The following MAGI2 variants were observed in gnomAD, a reference collection of about 807,000 sequenced individuals.
MAGI2 encodes the protein membrane-associated guanylate kinase, WW and PDZ domain-containing protein 2.
MAGI2 carries 35 observed loss-of-function variants against 133.3 expected under a neutral mutation model. The observed-to-expected ratio is 0.26, with a 90% CI of 0.20 to 0.35. The LOEUF (loss-of-function observed/expected upper bound fraction) is 0.35, where lower values mean the gene tolerates loss of function less well. Among genes scored for constraint, MAGI2 ranks in the 10% least tolerant of loss-of-function variants. The probability of loss-of-function intolerance (pLI) is 1.00; values close to 1 mark genes in which losing one functional copy is unlikely to be tolerated. For synonymous variants in MAGI2, 729 were observed against 710.6 expected, an observed-to-expected ratio of 1.03 and a Z score of -0.41; for missense variants, 1,636 against 1,863.4, an observed-to-expected ratio of 0.88 and a Z score of 2.25.
intron 2 of MAGI2, among the ~76,000 whole-genome samples, chr7:78,636,046 T>G (rs1287381710): frequency 6.6e-6 from 1 of 152,190 alleles, no homozygotes; most frequent in Non-Finnish European, 1.5e-5. Flanking sequence ...TGTTAACTGA[T>G]GGGGTGGATT....
intron 1 of MAGI2, among the ~76,000 whole-genome samples, chr7:79,286,330 C>A (rs983990213): frequency 2.0e-5 from 3 of 151,906 alleles, no homozygotes; most frequent in African/African-American, 7.3e-5. Flanking sequence ...GGATAGTATC[C>A]CCATTTAACA....
At chr7:78,385,630 T>C (rs1449720226) in intron 6 of MAGI2, among the ~76,000 whole-genome samples, 1 of 152,134 alleles carries the variant, frequency 6.6e-6, no homozygotes, top group African/African-American at 2.4e-5. Context: ...TCAGATGTTC[T>C]TTACCAAAAT....
At chr7:78,399,475 C>T (rs1796651209) in intron 6 of MAGI2, among the ~76,000 whole-genome samples, 1 of 152,088 alleles carries the variant, frequency 6.6e-6, no homozygotes. Context: ...CTATTTGCAT[C>T]AGTCGAGGTA....
intron 6 of MAGI2, among the ~76,000 whole-genome samples, chr7:78,409,589 C>A (rs1797688382): frequency 6.6e-6 from 1 of 152,100 alleles, no homozygotes; most frequent in African/African-American, 2.4e-5. Flanking sequence ...ACCTTTATTA[C>A]ACACATTGCT....
chr7:78,161,858 A>G (rs1186698147), intron 15 of MAGI2, among the ~76,000 whole-genome samples: 1 of 152,172 alleles, frequency 6.6e-6, no homozygotes, highest in Admixed American at 6.5e-5. Flanking sequence ...CGTTTAAATA[A>G]AGGAAAAGAT....
At chr7:79,317,671 C>T (rs1340370391) in intron 1 of MAGI2, among the ~76,000 whole-genome samples, 3 of 152,118 alleles carry the variant, frequency 2.0e-5, no homozygotes, top group Non-Finnish European at 2.9e-5. Flanking sequence ...GCCCAATTCA[C>T]GCAAGCTACA....
intron 5 of MAGI2, chr7:78,490,176 G>T: frequency 3.0e-6 from 1 of 333,516 alleles, no homozygotes; most frequent in Non-Finnish European, 5.4e-6. Context: ...CAGTCCACAG[G>T]CTCTGATAAT....
chr7:78,628,216 T>G (rs1808576951), intron 2 of MAGI2, among the ~76,000 whole-genome samples: 2 of 152,174 alleles, frequency 1.3e-5, no homozygotes, highest in South Asian at 2.1e-4. Context: ...GCCCTAAGCT[T>G]CTTCCTTTTT....
chr7:79,172,758 G>A (rs1054136963), intron 1 of MAGI2, among the ~76,000 whole-genome samples: 3 of 151,982 alleles, frequency 2.0e-5, no homozygotes, highest in African/African-American at 2.4e-5. Context: ...AACAGAAATA[G>A]GATGTTATCT....
At position 79,102,644 on chromosome 7, in the gene MAGI2, A is replaced by G. The variant is rs1818083550; in HGVS notation, c.302-95438T>C. 2.0e-5 allele frequency among the ~76,000 whole-genome samples: 3 copies of G among 152,238 alleles called. No individual in the cohort carries two copies. In the South Asian group the frequency reaches 6.2e-4, roughly 32 times the overall value. On this transcript the variant is annotated intron_variant, in intron 1 of 21. Coordinates refer to ENST00000354212, the MANE Select transcript of MAGI2 (RefSeq NM_012301.4). The stretch of plus-strand genomic sequence containing the variant: ...GTATCTTCCTCACCCACCCAAAGGC[A>G]CTATATTCTAGTGACATTTTAAAAA...
At chr7:78,592,774 A>G (rs1376824823) in intron 3 of MAGI2, among the ~76,000 whole-genome samples, 1 of 151,630 alleles carries the variant, frequency 6.6e-6, no homozygotes, top group African/African-American at 2.4e-5. Flanking sequence ...GATAGAGCAC[A>G]GACTGTACAC....
At chr7:79,218,948 G>A (rs1016880467) in intron 1 of MAGI2, among the ~76,000 whole-genome samples, 3 of 152,006 alleles carry the variant, frequency 2.0e-5, no homozygotes, top group African/African-American at 7.3e-5. Context: ...TTGCTAAGAT[G>A]TCCCTGACAA....
At chr7:78,993,984 G>A (rs1359190540) in intron 2 of MAGI2, among the ~76,000 whole-genome samples, 4 of 152,036 alleles carry the variant, frequency 2.6e-5, no homozygotes, top group African/African-American at 7.2e-5. Flanking sequence ...CAGAATTGGG[G>A]CATTTTTCCA....
intron 1 of MAGI2, among the ~76,000 whole-genome samples, chr7:79,126,765 CT>C (rs1297136377): frequency 6.6e-6 from 1 of 151,240 alleles, no homozygotes; most frequent in Non-Finnish European, 1.5e-5. Flanking sequence ...GTCCCCCAGA[CT>C]TTTTTTTAAA....
intron 14 of MAGI2, among the ~76,000 whole-genome samples, chr7:78,172,407 C>T (rs186152440): frequency 2.6e-4 from 39 of 152,334 alleles, no homozygotes; most frequent in African/African-American, 8.9e-4. Context: ...GGTCTGTCAT[C>T]GTCTGTCTTT....
At chr7:79,025,628 A>G (rs991498495) in intron 1 of MAGI2, among the ~76,000 whole-genome samples, 3 of 147,068 alleles carry the variant, frequency 2.0e-5, no homozygotes, top group Admixed American at 6.9e-5. Context: ...GTCCGTAAAA[A>G]GAATTAGAAC....
chr7:78,720,088 A>T (rs1820118875), intron 2 of MAGI2, among the ~76,000 whole-genome samples: 1 of 152,162 alleles, frequency 6.6e-6, no homozygotes, highest in African/African-American at 2.4e-5. Flanking sequence ...AGATAAGATT[A>T]CCTAAAATGC....
chr7:79,347,781 T>G lies in MAGI2; in HGVS notation c.301+105239A>C, dbSNP rs181736187. The stretch of plus-strand genomic sequence containing the variant: ...GAATAATAAAAGCATGGATAAAACT[T>G]AAGTACATTATTATTTGGAAATATT... On this transcript the variant is annotated intron_variant, in intron 1 of 21. Coordinates refer to ENST00000354212, the MANE Select transcript of MAGI2 (RefSeq NM_012301.4). 1.6e-4 allele frequency among the ~76,000 whole-genome samples: 24 copies of G among 152,098 alleles called. 1 individual carries two copies. Among genetic ancestry groups the G allele is most frequent in the Admixed American group, 1.3e-3 (20 of 15,240 alleles).
intron 1 of MAGI2, among the ~76,000 whole-genome samples, chr7:79,355,443 T>C (rs1276790373): frequency 6.6e-6 from 1 of 152,262 alleles, no homozygotes; most frequent in Non-Finnish European, 1.5e-5. Context: ...TTTGTGGCCT[T>C]GTAGCTACTA....
Sources: allele counts gnomAD v4.1 joint callset (sites outside exome capture counted in the v4.1 genomes callset), GRCh38; gene constraint gnomAD v4.1.1; transcripts MANE v1.5; gene names NCBI Gene and HGNC (gene_info 2026-07-23, HGNC 2026-07-21).